Variants in ZNF695 observed in about 807,000 individuals in gnomAD.
The protein encoded by ZNF695 is zinc finger protein SBZF3.
A neutral mutation model predicts 11.2 loss-of-function variants in ZNF695; 11 were observed. That is an observed-to-expected ratio of 0.98 (90% CI 0.62 to 1.62). The LOEUF is 1.62. Among genes scored for constraint, ZNF695 ranks in the 40% most tolerant of loss-of-function variants. The pLI is 0.00. For missense variants in ZNF695, 559 were observed against 590.5 expected (o/e 0.95, Z 0.55); for synonymous variants, 190 against 201.4 (o/e 0.94, Z 0.48).
intron 3 of ZNF695, among the ~76,000 whole-genome samples, 181 bp from the exon 4 acceptor site, chr1:246,988,436 T>G (rs920677427): frequency 5.3e-5 from 8 of 151,966 alleles, no homozygotes; most frequent in African/African-American, 1.9e-4. Flanking sequence ...ATGAGAATCC[T>G]AAAAGCAGCC....
Position 246,986,339 on chromosome 1 carries a change from A to C in ZNF695, c.*628T>G. 1 of 981,768 alleles carries C rather than the reference A, an allele frequency of 1.0e-6. No homozygotes were observed. Among genetic ancestry groups the C allele is most frequent in the Non-Finnish European group, 1.2e-6 (1 of 826,586 alleles). 60.8% of individuals were successfully genotyped at this position (981,768 alleles called of 1,614,324 possible). A position where few individuals can be genotyped will look rare whatever the true frequency, so the allele number is the denominator to read the frequency against. On this transcript the variant is annotated 3_prime_UTR_variant, in exon 4 of 4. Coordinates refer to ENST00000339986, the MANE Select transcript of ZNF695 (RefSeq NM_020394.5). ...GACCTCGGCATCCAAAAGTGCAGCA[A>C]CTATAGGAAAGAGCCACCGTGCCTG...
At chr1:247,003,574 C>T (rs1474657339) in intron 1 of ZNF695, among the ~76,000 whole-genome samples, 1 of 152,052 alleles carries the variant, frequency 6.6e-6, no homozygotes, top group East Asian at 1.9e-4. Flanking sequence ...CAAACCTGCA[C>T]ACATACTCCC....
At chr1:246,979,476 C>T (rs972955627) in intron 4 of ZNF695, among the ~76,000 whole-genome samples, 11 of 152,136 alleles carry the variant, frequency 7.2e-5, no homozygotes, top group Admixed American at 2.0e-4. Context: ...CAAGGAAAGA[C>T]GTGCATCATA....
At position 246,999,443 on chromosome 1, in the gene ZNF695, G is replaced by A; in HGVS notation, c.167-3C>T. 5.0e-6 allele frequency: 8 copies of A among 1,610,640 alleles called. No homozygotes were observed. The highest frequency in any genetic ancestry group is 6.8e-6 in the Non-Finnish European group (8 of 1,177,442). On this transcript the variant is annotated splice_region_variant and splice_polypyrimidine_tract_variant and intron_variant, in intron 2 of 3. Coordinates refer to ENST00000339986, the MANE Select transcript of ZNF695 (RefSeq NM_020394.5). ...TTCTGGCTTAGACATAGCAAGACCTGTTTTATTAGAAAAAAGGTGCATGAT... is the reference window on the plus strand; with the variant it reads ...TTCTGGCTTAGACATAGCAAGACCTATTTTATTAGAAAAAAGGTGCATGAT...
intron 3 of ZNF695, among the ~76,000 whole-genome samples, chr1:246,995,778 A>G (rs1221655094): frequency 1.4e-5 from 2 of 140,688 alleles, no homozygotes. Context: ...GCACCATTGC[A>G]TTCCAACCTG....
intron 3 of ZNF695, among the ~76,000 whole-genome samples, 192 bp from the exon 4 acceptor site, chr1:246,988,447 A>C (rs1668921909): frequency 6.6e-6 from 1 of 152,130 alleles, no homozygotes; most frequent in Non-Finnish European, 1.5e-5. Context: ...AAAAGCAGCC[A>C]AAGGGGGAAA....
intron 1 of ZNF695, among the ~76,000 whole-genome samples, chr1:247,005,234 A>G (rs1163695861): frequency 2.6e-5 from 4 of 152,258 alleles, no homozygotes; most frequent in Non-Finnish European, 5.9e-5. Flanking sequence ...GCATAAAACA[A>G]GACACATAGC....
downstream of ZNF695, among the ~76,000 whole-genome samples, chr1:246,981,865 G>A (rs560284965): frequency 2.0e-5 from 3 of 152,264 alleles, no homozygotes; most frequent in East Asian, 1.9e-4. Context: ...ATGGCCAAGC[G>A]GTTGGCTAGC....
In ZNF695 at chr1:246,958,116, T is replaced by G. The variant is rs868366953; in HGVS notation, c.488+9579A>C. Among the ~76,000 whole-genome samples, 155 of 151,832 alleles carry G rather than the reference T, an allele frequency of 1.0e-3. 1 individual carries two copies. In the Middle Eastern group the frequency reaches 0.014, roughly 13 times the overall value. On this transcript the variant is annotated intron_variant, in intron 5 of 5. Transcript: ENST00000487338. ...CTCTGTCGCCCAGGCTGGAGTGCAGTGGCGCGATCTCGGCTCACTGCAAGC... is the reference window on the plus strand; with the variant it reads ...CTCTGTCGCCCAGGCTGGAGTGCAGGGGCGCGATCTCGGCTCACTGCAAGC...
chr1:246,985,137 T>G (rs1668813970), downstream of ZNF695, among the ~76,000 whole-genome samples: 1 of 152,206 alleles, frequency 6.6e-6, no homozygotes, highest in East Asian at 1.9e-4. Context: ...TTCAAACACA[T>G]TACTTGCTTC....
intron 5 of ZNF695, among the ~76,000 whole-genome samples, chr1:246,959,917 T>C (rs547202853): frequency 1.3e-5 from 2 of 152,328 alleles, no homozygotes; most frequent in South Asian, 4.1e-4. Context: ...GTGTTTCTGA[T>C]CCATTAGTTC....
chr1:246,974,611 G>C (rs945578946), intron 4 of ZNF695, among the ~76,000 whole-genome samples: 1 of 152,180 alleles, frequency 6.6e-6, no homozygotes, highest in Non-Finnish European at 1.5e-5. Flanking sequence ...TACTATAAAA[G>C]AGAGTGGGCA....
intron 3 of ZNF695, among the ~76,000 whole-genome samples, chr1:246,995,555 C>T (rs964937652): frequency 3.9e-5 from 6 of 152,074 alleles, no homozygotes; most frequent in African/African-American, 9.7e-5. Flanking sequence ...TATGGCCACG[C>T]GCAGTGGCTC....
Position 246,985,882 on chromosome 1 carries a change from A to T in ZNF695, c.*1085T>A. 1.0e-6 allele frequency: 1 copy of T among 985,402 alleles called. No individual in the cohort carries two copies. The highest frequency in any genetic ancestry group is 1.2e-6 in the Non-Finnish European group (1 of 829,928). The allele number at this position is 985,402 out of a possible 1,614,324, so 61.0% of individuals were successfully genotyped here. The stretch of plus-strand genomic sequence containing the variant: ...ATAATCTTCCAAAGAAAAGGATATG[A>T]ACAACACCCACCCGAATATAGAAGA... On this transcript the variant is annotated 3_prime_UTR_variant, in exon 4 of 4. Coordinates refer to ENST00000339986, the MANE Select transcript of ZNF695 (RefSeq NM_020394.5).
At position 246,987,519 on chromosome 1, in the gene ZNF695, G is replaced by C; in HGVS notation, c.996C>G (p.Val332=). ...GAGTAAGGTATGACAACAATTTAAAGACTTTGCCACATTCTTCACACTTGT... is the reference window on the plus strand; with the variant it reads ...GAGTAAGGTATGACAACAATTTAAACACTTTGCCACATTCTTCACACTTGT... ...KPYKCEECGK[V]FKLLSYLTQH... is the part of the protein sequence containing the mutation. Residue 332 remains valine (V), a synonymous_variant, in exon 4 of 4, where the codon GTC becomes GTG. Transcript: ENST00000339986. 2 of 1,605,052 alleles carry C rather than the reference G, an allele frequency of 1.2e-6. No homozygotes were observed. The highest frequency in any genetic ancestry group is 2.2e-5 in the South Asian group (2 of 89,644).
Position 247,000,060 on chromosome 1 carries a change from G to C in ZNF695, c.18C>G (p.Phe6Leu), listed in dbSNP as rs574322024. 6.2e-7 allele frequency: 1 copy of C among 1,607,272 alleles called. No homozygotes were observed. Among genetic ancestry groups the C allele is most frequent in the Non-Finnish European group, 8.5e-7 (1 of 1,178,204 alleles). ...GAGAGAATTCTAGAGCCACATCCCT[G>C]AATGCCAATAGTCCCTGAAAAAGAA... MGLLAFRDVALEFSPE... is the reference protein window; with the variant it reads MGLLALRDVALEFSPE... The change falls in exon 2 of 4, where the codon TTC (phenylalanine) becomes TTG (leucine). Residue 6 changes from phenylalanine to leucine, a missense_variant. By Grantham distance (22) the Phe-to-Leu change is conservative. Transcript: ENST00000339986.
intron 3 of ZNF695, chr1:246,995,965 A>C (rs1220396478): frequency 2.3e-6 from 1 of 443,080 alleles, no homozygotes; most frequent in Non-Finnish European, 4.5e-6. Context: ...TTGCATGCCC[A>C]TATTTATTGC....
At chr1:246,972,100 T>C (rs956061893) in intron 4 of ZNF695, among the ~76,000 whole-genome samples, 1 of 152,202 alleles carries the variant, frequency 6.6e-6, no homozygotes, top group African/African-American at 2.4e-5. Flanking sequence ...GCCCAACAAG[T>C]GCAGAGAAGC....
downstream of ZNF695, among the ~76,000 whole-genome samples, chr1:246,981,237 C>T (rs560432315): frequency 1.7e-4 from 26 of 152,174 alleles, no homozygotes; most frequent in African/African-American, 5.8e-4. Flanking sequence ...TAAGTGTTGG[C>T]GAAAGTGTGG....
Sources: allele counts gnomAD v4.1 joint callset (sites outside exome capture counted in the v4.1 genomes callset), GRCh38; gene constraint gnomAD v4.1.1; transcripts MANE v1.5; gene names NCBI Gene and HGNC (gene_info 2026-07-23, HGNC 2026-07-21).